Variants in GMDS observed in about 807,000 individuals in gnomAD.
The protein encoded by GMDS is GDP-mannose 4,6-dehydratase.
A neutral mutation model predicts 49.9 loss-of-function variants in GMDS; 20 were observed. That is an observed-to-expected ratio of 0.40 (90% confidence interval 0.28 to 0.58). The LOEUF is 0.58. Among genes scored for constraint, GMDS ranks in the 20% least tolerant of loss-of-function variants. GMDS has a pLI of 0.42. For missense variants in GMDS, 362 were observed against 481.4 expected (o/e 0.75, Z 2.32); for synonymous variants, 177 against 178.6 (o/e 0.99, Z 0.07).
At chr6:1,737,506 C>A (rs1767040763) in intron 8 of GMDS, among the ~76,000 whole-genome samples, 1 of 151,350 alleles carries the variant, frequency 6.6e-6, no homozygotes, top group Non-Finnish European at 1.5e-5. Context: ...CACAAACACA[C>A]ACACACACAC....
chr6:2,011,025 G>C (rs1767527109), intron 4 of GMDS, among the ~76,000 whole-genome samples: 1 of 152,112 alleles, frequency 6.6e-6, no homozygotes, highest in Non-Finnish European at 1.5e-5. Flanking sequence ...TTAAAAGAAT[G>C]CTTTAAAAAT....
intron 7 of GMDS, among the ~76,000 whole-genome samples, chr6:1,856,993 G>C (rs916015291): frequency 6.6e-6 from 1 of 152,158 alleles, no homozygotes; most frequent in African/African-American, 2.4e-5. Context: ...AATGAACTCA[G>C]TCCCAGAATG....
intron 4 of GMDS, among the ~76,000 whole-genome samples, chr6:2,024,385 T>C (rs1466547149): frequency 6.6e-6 from 1 of 152,062 alleles, no homozygotes; most frequent in Non-Finnish European, 1.5e-5. Context: ...CTGGTGAACA[T>C]ATGGATACAT....
intron 4 of GMDS, among the ~76,000 whole-genome samples, chr6:2,056,659 C>A (rs947564447): frequency 6.6e-6 from 1 of 152,118 alleles, no homozygotes; most frequent in Admixed American, 6.6e-5. Flanking sequence ...CTCAAAATCT[C>A]CAGGATTAGA....
chr6:2,183,118 C>T lies in GMDS; in HGVS notation c.103-58387G>A, dbSNP rs960711099. Among the ~76,000 whole-genome samples, 5 of 152,320 alleles carry T rather than the reference C, an allele frequency of 3.3e-5. No homozygotes were observed. In the East Asian group the frequency reaches 9.6e-4, roughly 29 times the overall value. ...TATGTTGTTTTCATGCCTGCTAACA[C>T]AACATCCATTCTGCAGCCCATGGAT... On this transcript the variant is annotated intron_variant, in intron 1 of 10. Transcript: ENST00000380815.
intron 7 of GMDS, among the ~76,000 whole-genome samples, chr6:1,788,692 C>T (rs181008444): frequency 1.3e-4 from 20 of 152,314 alleles, no homozygotes; most frequent in African/African-American, 4.6e-4. Flanking sequence ...TTCTCAAATG[C>T]TGGAATTTGG....
chr6:1,837,325 C>T (rs888582379), intron 7 of GMDS, among the ~76,000 whole-genome samples: 6 of 152,008 alleles, frequency 3.9e-5, no homozygotes, highest in African/African-American at 7.3e-5. Flanking sequence ...GGGACATAGC[C>T]GGTTCTTCAA....
chr6:2,190,815 G>C (rs1016887699), intron 1 of GMDS, among the ~76,000 whole-genome samples: 1 of 152,296 alleles, frequency 6.6e-6, no homozygotes, highest in African/African-American at 2.4e-5. Flanking sequence ...GGCGGGAGGC[G>C]GCAGCAGGAG....
At chr6:1,714,511 T>C (rs1356873248) in intron 9 of GMDS, among the ~76,000 whole-genome samples, 3 of 152,216 alleles carry the variant, frequency 2.0e-5, no homozygotes, top group Non-Finnish European at 4.4e-5. Flanking sequence ...CCAGCCATGA[T>C]GGCCATTCAC....
At chr6:2,086,603 T>TC (rs1248313455) in intron 4 of GMDS, among the ~76,000 whole-genome samples, 1 of 152,252 alleles carries the variant, frequency 6.6e-6, no homozygotes, top group African/African-American at 2.4e-5. Context: ...CAAAGGCTGC[T>TC]CCCAGCTTTT....
intron 2 of GMDS, among the ~76,000 whole-genome samples, chr6:2,119,316 T>A (rs1454380041): frequency 6.6e-6 from 1 of 152,142 alleles, no homozygotes; most frequent in Admixed American, 6.5e-5. Context: ...CAGACAACTA[T>A]ACAAAGTCAA....
rs1271078260 is a variant in GMDS at position 1,677,441 on chromosome 6, A to C, written c.987+48975T>G. Among the ~76,000 whole-genome samples the C allele has an allele frequency of 3.3e-5, 5 of 152,322 alleles. No individual in the cohort carries two copies. In the East Asian group the frequency reaches 9.6e-4, roughly 29 times the overall value. On this transcript the variant is annotated intron_variant, in intron 9 of 10. Coordinates refer to ENST00000380815, the MANE Select transcript of GMDS (RefSeq NM_001500.4). ...TACCATTTGACCCAGCCATCCCATT[A>C]CTGGGCATATACCCACAGGATTATA... is the stretch of plus-strand genomic sequence containing the variant.
At chr6:2,018,786 G>T (rs894068232) in intron 4 of GMDS, among the ~76,000 whole-genome samples, 4 of 152,076 alleles carry the variant, frequency 2.6e-5, no homozygotes, top group African/African-American at 9.7e-5. Flanking sequence ...GAATAATGCT[G>T]CTGTGAACAT....
chr6:1,699,471 G>C (rs1055760548), intron 9 of GMDS, among the ~76,000 whole-genome samples: 1 of 152,042 alleles, frequency 6.6e-6, no homozygotes, highest in Non-Finnish European at 1.5e-5. Flanking sequence ...AAAACAATAC[G>C]TGTCGATCCT....
intron 6 of GMDS, among the ~76,000 whole-genome samples, chr6:1,943,463 G>A (rs1437204922): frequency 1.3e-5 from 2 of 152,334 alleles, no homozygotes; most frequent in Non-Finnish European, 2.9e-5. Flanking sequence ...GTCTAACACA[G>A]TATATAACAC....
chr6:1,887,577 C>T (rs1268163826), intron 7 of GMDS, among the ~76,000 whole-genome samples: 1 of 152,170 alleles, frequency 6.6e-6, no homozygotes, highest in Non-Finnish European at 1.5e-5. Context: ...TATCAATCAT[C>T]CTTCTCTACC....
chr6:2,141,327 C>T (rs558985887), intron 1 of GMDS, among the ~76,000 whole-genome samples: 1 of 152,180 alleles, frequency 6.6e-6, no homozygotes, highest in Non-Finnish European at 1.5e-5. Flanking sequence ...TCAAAACTGA[C>T]CAGCTTCCAC....
intron 7 of GMDS, among the ~76,000 whole-genome samples, chr6:1,926,730 T>C (rs1762025522): frequency 6.6e-6 from 1 of 152,252 alleles, no homozygotes; most frequent in Non-Finnish European, 1.5e-5. Flanking sequence ...ATGATCATAT[T>C]TCTTAAAACG....
At chr6:2,141,865 G>GCTCTCTCTCTCTCT (rs67628075) in intron 1 of GMDS, among the ~76,000 whole-genome samples, 9 of 145,590 alleles carry the variant, frequency 6.2e-5, no homozygotes, top group Non-Finnish European at 9.0e-5. Flanking sequence ...GGTTGTGCGT[G>GCTCTCTCTCTCTCT]CTCTCTCTCT....
Sources: allele counts gnomAD v4.1 joint callset (sites outside exome capture counted in the v4.1 genomes callset), GRCh38; gene constraint gnomAD v4.1.1; transcripts MANE v1.5; gene names NCBI Gene and HGNC (gene_info 2026-07-23, HGNC 2026-07-21).